The following RPS24 variants were observed in gnomAD, a reference collection of about 807,000 sequenced individuals.
The protein encoded by RPS24 is ribosomal protein S24.
For missense variants in RPS24, 100 were observed against 162.5 expected (o/e 0.62, Z 2.09); for synonymous variants, 72 against 55.6 (o/e 1.30, Z -1.31).
At chr10:78,044,162 A>G (rs2131988492), downstream of RPS24, among the ~76,000 whole-genome samples, 1 of 152,300 alleles carries the variant, frequency 6.6e-6, no homozygotes, top group East Asian at 1.9e-4. Flanking sequence ...CTGGGGGTCT[A>G]AGAACGTTTG....
At chr10:78,044,771 A>G (rs1194771995), downstream of RPS24, among the ~76,000 whole-genome samples, 1 of 149,440 alleles carries the variant, frequency 6.7e-6, no homozygotes, top group Non-Finnish European at 1.5e-5. Context: ...ATCAGGGAGG[A>G]TCTTGTATGC....
downstream of RPS24, among the ~76,000 whole-genome samples, chr10:78,044,147 A>G (rs181723953): frequency 3.9e-3 from 587 of 151,268 alleles, 4 homozygotes; most frequent in African/African-American, 0.013. Flanking sequence ...GGTTTCAGGC[A>G]TCCACTGGGG....
At chr10:78,053,379 T>TAAA (rs1848119347) in intron 4 of RPS24, among the ~76,000 whole-genome samples, 1 of 152,028 alleles carries the variant, frequency 6.6e-6, no homozygotes, top group Non-Finnish European at 1.5e-5. Flanking sequence ...CCAGAGCCTG[T>TAAA]ATGTCATAGC....
rs1285351337 is a variant in RPS24, at chr10:78,037,398, T to G, written c.390+94T>G. ...ATCTTATTAATTTTTAAAATAACTT[T>G]TCTTAATGTTTCTTCTTTTCCCTCT... On this transcript the variant is annotated intron_variant, in intron 4 of 5. Coordinates refer to ENST00000372360, the MANE Select transcript of RPS24 (RefSeq NM_033022.4). The G allele has an allele frequency of 7.4e-6, 11 of 1,487,268 alleles. No homozygotes were observed. In the East Asian group the frequency reaches 2.2e-4, roughly 30 times the overall value. The allele number at this position is 1,487,268 out of a possible 1,614,324, so 92.1% of individuals were successfully genotyped here.
chr10:78,040,463 G>A (rs1348518477), intron 5 of RPS24, 152 bp from the exon 6 acceptor site: 1 of 735,388 alleles, frequency 1.4e-6, no homozygotes, highest in Non-Finnish European at 2.4e-6. Flanking sequence ...TTTATTTCTT[G>A]ATGCTTTCAT....
chr10:78,036,741 C>T (rs1207519913), intron 3 of RPS24, among the ~76,000 whole-genome samples: 1 of 152,150 alleles, frequency 6.6e-6, no homozygotes, highest in African/African-American at 2.4e-5. Flanking sequence ...GCCCCAGGAA[C>T]AGCAAGTGCA....
At chr10:78,043,785 C>G (rs185706398), downstream of RPS24, among the ~76,000 whole-genome samples, 8 of 152,238 alleles carry the variant, frequency 5.3e-5, no homozygotes, top group East Asian at 1.5e-3. Flanking sequence ...TGGAAGGCTT[C>G]CAGGAGACAT....
intron 1 of RPS24, chr10:78,034,244 C>A (rs1333402547): frequency 6.3e-6 from 3 of 476,864 alleles, no homozygotes; most frequent in Non-Finnish European, 1.1e-5. Context: ...CCTCATTGGG[C>A]TAGGTAGGCG....
exon 5 of RPS24, chr10:78,056,336 C>T (rs189427997): frequency 6.6e-6 from 1 of 152,292 alleles, no homozygotes; most frequent in African/African-American, 2.4e-5. Context: ...GGAGGATCTT[C>T]TGGTTGCCTC....
chr10:78,054,588 T>C (rs1228082985), exon 5 of RPS24: 2 of 1,550,796 alleles, frequency 1.3e-6, no homozygotes, highest in South Asian at 2.4e-5. Flanking sequence ...GGAAGAGAGA[T>C]GCACAGATGT....
downstream of RPS24, among the ~76,000 whole-genome samples, chr10:78,041,123 G>A (rs966174710): frequency 1.1e-4 from 16 of 152,072 alleles, no homozygotes; most frequent in African/African-American, 3.9e-4. Context: ...GAGCGACCAC[G>A]TCTGGCTTAG....
rs190520176 is a variant in RPS24 at position 78,034,022 on chromosome 10, C to G, written c.3+118C>G. On this transcript the variant is annotated intron_variant, in intron 1 of 5. Transcript: ENST00000372360. ...CCCGGTTGCTCTTCTCTGGCCGTTT[C>G]TGTCAGAGGATGGTTGTCGAGGGGC... is the stretch of plus-strand genomic sequence containing the variant. 1.3e-3 allele frequency: 1,755 copies of G among 1,304,338 alleles called. 2 individuals are homozygous for G. Among genetic ancestry groups the G allele is most frequent in the Non-Finnish European group, 1.8e-3 (1,593 of 899,510 alleles). 80.8% of individuals were successfully genotyped at this position (1,304,338 alleles called of 1,614,324 possible). A position where few individuals can be genotyped will look rare whatever the true frequency, so the allele number is the denominator to read the frequency against.
At chr10:78,038,931 C>G (rs1247344380) in intron 4 of RPS24, 1 of 152,186 alleles carries the variant, frequency 6.6e-6, no homozygotes, top group African/African-American at 2.4e-5. Context: ...TGTGCCCAGC[C>G]TGTTACCTCA....
chr10:78,043,169 A>G (rs1188191299), downstream of RPS24, among the ~76,000 whole-genome samples: 6 of 151,850 alleles, frequency 4.0e-5, no homozygotes, highest in African/African-American at 1.5e-4. Flanking sequence ...ATGCCCGGGT[A>G]ATTTTTTGTA....
At chr10:78,042,189 A>G (rs935944791), downstream of RPS24, among the ~76,000 whole-genome samples, 1 of 152,252 alleles carries the variant, frequency 6.6e-6, no homozygotes, top group Non-Finnish European at 1.5e-5. Flanking sequence ...GCAGGGCTCC[A>G]GGCTGGCTGC....
Position 78,040,189 on chromosome 10 carries a change from C to T in RPS24, c.391-15C>T. The T allele has an allele frequency of 6.2e-7, 1 of 1,613,014 alleles. No homozygotes were observed. The highest frequency in any genetic ancestry group is 8.5e-7 in the Non-Finnish European group (1 of 1,179,108). The stretch of plus-strand genomic sequence containing the variant: ...TCCCTCCTTTCTCTTTTTCCCTTCC[C>T]CGCCACTGATTCAGTGAGCTGGAGA... On this transcript the variant is annotated splice_polypyrimidine_tract_variant and intron_variant, in intron 4 of 5. Coordinates refer to ENST00000372360, the MANE Select transcript of RPS24 (RefSeq NM_033022.4).
rs747542711 is a variant in RPS24 at position 78,035,359 on chromosome 10, C to T, written c.11C>T (p.Thr4Ile). Residue 4 changes from threonine to isoleucine, a missense_variant, in exon 2 of 6, where the codon ACC becomes ATC. Physicochemically the swap from Thr to Ile is moderately conservative, Grantham distance 89. Coordinates refer to ENST00000372360, the MANE Select transcript of RPS24 (RefSeq NM_033022.4). MND[T>I]VTIRTRKFMT... is the part of the protein sequence containing the mutation. ...GAGTGTTTATGTTTTCAGAACGACA[C>T]CGTAACTATCCGCACTAGAAAGTTC... 1 of 1,614,044 alleles carries T rather than the reference C, an allele frequency of 6.2e-7. No individual in the cohort carries two copies. Among genetic ancestry groups the T allele is most frequent in the South Asian group, 1.1e-5 (1 of 91,074 alleles).
downstream of RPS24, among the ~76,000 whole-genome samples, chr10:78,044,074 T>C (rs1848016819): frequency 6.6e-6 from 1 of 151,950 alleles, no homozygotes; most frequent in Non-Finnish European, 1.5e-5. Context: ...AATATCTTAC[T>C]CCCTAAATTA....
Position 78,039,850 on chromosome 10 carries a change from A to G in RPS24, c.391-354A>G, listed in dbSNP as rs548034953. ...CTGTTCCTGGTGTGTGTCCAGCACA[A>G]TGTTGCTGGGCAGAGCAGAGGGGCA... is the stretch of plus-strand genomic sequence containing the variant. On this transcript the variant is annotated intron_variant, in intron 4 of 5. Transcript: ENST00000372360. 8.5e-5 allele frequency: 31 copies of G among 364,426 alleles called. No homozygotes were observed. In the East Asian group the frequency reaches 1.4e-3, roughly 17 times the overall value. 22.6% of individuals were successfully genotyped at this position (364,426 alleles called of 1,614,324 possible).
Sources: gnomAD v4.1 joint callset for allele counts (sites outside exome capture counted in the v4.1 genomes callset) on GRCh38, gnomAD v4.1.1 for gene constraint, MANE v1.5 for transcripts, NCBI Gene and HGNC (gene_info 2026-07-23, HGNC 2026-07-21) for gene names.